Variants in TSPAN18 observed in about 807,000 individuals in gnomAD.
TSPAN18 encodes tetraspanin 18, also known as tetraspanin-18.
TSPAN18 carries 14 observed loss-of-function variants against 27.3 expected under a neutral mutation model. The observed-to-expected ratio is 0.51, with a 90% CI of 0.34 to 0.80. The LOEUF (loss-of-function observed/expected upper bound fraction) is 0.80, where lower values mean the gene tolerates loss of function less well. Ranked by LOEUF, TSPAN18 falls within the 30% of genes least tolerant of loss-of-function variation. The pLI, the probability that TSPAN18 is intolerant of heterozygous loss-of-function variation, is 0.01. For synonymous variants in TSPAN18, 143 were observed against 136.5 expected, an observed-to-expected ratio of 1.05 and a Z score of -0.33; for missense variants, 268 against 323.9, an observed-to-expected ratio of 0.83 and a Z score of 1.32.
At chr11:44,764,337 C>A (rs1164377381) in intron 1 of TSPAN18, 89 bp from the exon 2 acceptor site, 1 of 152,196 alleles carries the variant, frequency 6.6e-6, no homozygotes, top group Non-Finnish European at 1.5e-5. Context: ...GGAAAGGAGA[C>A]CTTGGGGAGT....
rs537831081 is a variant in TSPAN18 at position 44,884,824 on chromosome 11, G to A, written c.-10-21583G>A. On this transcript the variant is annotated intron_variant, in intron 3 of 9. Transcript: ENST00000520358. ...ACATGGGGCTTGAACCCAGCTTTCT[G>A]GATAGGCAGTTCTGTTCTCTCTCCA... Among the ~76,000 whole-genome samples the A allele has an allele frequency of 3.7e-3, 565 of 152,320 alleles. 2 individuals carry two copies. Among genetic ancestry groups the A allele is most frequent in the African/African-American group, 0.012 (498 of 41,566 alleles).
At chr11:44,895,631 T>C (rs1859015801) in intron 3 of TSPAN18, among the ~76,000 whole-genome samples, 1 of 152,044 alleles carries the variant, frequency 6.6e-6, no homozygotes, top group Admixed American at 6.6e-5. Context: ...GTGAGCCCAT[T>C]CCCAGCCAGG....
chr11:44,746,442 G>A (rs550231016), intron 1 of TSPAN18, among the ~76,000 whole-genome samples: 7 of 152,278 alleles, frequency 4.6e-5, no homozygotes, highest in South Asian at 2.1e-4. Context: ...GTAAAGCAAG[G>A]AGTGTAGTAC....
intron 2 of TSPAN18, among the ~76,000 whole-genome samples, chr11:44,855,649 A>T (rs573642070): frequency 9.9e-5 from 15 of 152,106 alleles, no homozygotes; most frequent in African/African-American, 3.6e-4. Flanking sequence ...TCAAGCTGAC[A>T]CCTCAAATTA....
In TSPAN18 at chr11:44,804,501, T is replaced by C. The variant is rs79700668; in HGVS notation, c.-153+39989T>C. Among the ~76,000 whole-genome samples, 1,094 of 152,112 alleles carry C rather than the reference T, an allele frequency of 7.2e-3. 14 individuals carry two copies. Among genetic ancestry groups the C allele is most frequent in the African/African-American group, 0.025 (1,019 of 41,490 alleles). On this transcript the variant is annotated intron_variant, in intron 2 of 9. Coordinates refer to ENST00000520358, the MANE Select transcript of TSPAN18 (RefSeq NM_130783.5). ...TGGCAATGGATGAGTTCAACAAATA[T>C]TTGTGGACTGAAGGAAGGAAAGGAG... is the stretch of plus-strand genomic sequence containing the variant.
At chr11:44,741,587 C>A (rs567204899) in intron 1 of TSPAN18, among the ~76,000 whole-genome samples, 1 of 151,984 alleles carries the variant, frequency 6.6e-6, no homozygotes, top group Non-Finnish European at 1.5e-5. Context: ...GTGAGACATA[C>A]GGGATTAACA....
At chr11:44,810,870 A>G (rs1856699055) in intron 2 of TSPAN18, among the ~76,000 whole-genome samples, 1 of 151,956 alleles carries the variant, frequency 6.6e-6, no homozygotes, top group Non-Finnish European at 1.5e-5. Flanking sequence ...TGGCCTCTCA[A>G]AGTGCTAGGA....
intron 2 of TSPAN18, among the ~76,000 whole-genome samples, chr11:44,776,956 G>A (rs896634085): frequency 6.6e-6 from 1 of 152,208 alleles, no homozygotes; most frequent in African/African-American, 2.4e-5. Context: ...GGCAGCCTGG[G>A]GAGGAGAAAG....
At chr11:44,771,407 C>G (rs896442908) in intron 2 of TSPAN18, among the ~76,000 whole-genome samples, 1 of 152,234 alleles carries the variant, frequency 6.6e-6, no homozygotes, top group African/African-American at 2.4e-5. Context: ...AAGCACAGAG[C>G]TATTTACCTG....
chr11:44,801,097 C>T (rs1231329520), intron 2 of TSPAN18, among the ~76,000 whole-genome samples: 4 of 152,188 alleles, frequency 2.6e-5, no homozygotes, highest in African/African-American at 9.7e-5. Context: ...TGCAGGTGCT[C>T]AAGGCCCTTA....
At chr11:44,862,247 G>T (rs1282510396) in intron 3 of TSPAN18, among the ~76,000 whole-genome samples, 7 of 152,216 alleles carry the variant, frequency 4.6e-5, no homozygotes, top group Non-Finnish European at 7.3e-5. Flanking sequence ...CCTCCGCCGC[G>T]GCAGCTCTGT....
intron 5 of TSPAN18, among the ~76,000 whole-genome samples, chr11:44,912,411 A>C (rs1590678873): frequency 1.3e-5 from 2 of 149,932 alleles, no homozygotes; most frequent in Non-Finnish European, 3.0e-5. Context: ...CTCTCTCTCC[A>C]CTTCCCCTGC....
intron 2 of TSPAN18, among the ~76,000 whole-genome samples, chr11:44,816,435 T>C (rs1442093245): frequency 6.6e-6 from 1 of 152,244 alleles, no homozygotes; most frequent in Non-Finnish European, 1.5e-5. Flanking sequence ...ATGTGTGCTC[T>C]GGCACAGATG....
chr11:44,755,777 G>A (rs745664795), intron 1 of TSPAN18, among the ~76,000 whole-genome samples: 63 of 152,318 alleles, frequency 4.1e-4, no homozygotes, highest in Non-Finnish European at 7.3e-4. Context: ...CTGAGGCTGA[G>A]CTGGCATCCA....
intron 3 of TSPAN18, among the ~76,000 whole-genome samples, chr11:44,879,740 G>A (rs940067298): frequency 3.9e-5 from 6 of 152,250 alleles, no homozygotes; most frequent in African/African-American, 1.2e-4. Flanking sequence ...GCAGGGGTAA[G>A]TAAATGACAG....
At chr11:44,865,773 A>G (rs894614170) in intron 3 of TSPAN18, among the ~76,000 whole-genome samples, 1 of 152,140 alleles carries the variant, frequency 6.6e-6, no homozygotes, top group Non-Finnish European at 1.5e-5. Flanking sequence ...ATCCAGGCTA[A>G]AAGTCCTGAG....
intron 2 of TSPAN18, among the ~76,000 whole-genome samples, chr11:44,848,791 G>A (rs1857537729): frequency 6.6e-6 from 1 of 152,230 alleles, no homozygotes; most frequent in Non-Finnish European, 1.5e-5. Flanking sequence ...GTGGCACAAG[G>A]TGACAAAGGA....
At chr11:44,881,102 C>T (rs146637807) in intron 3 of TSPAN18, among the ~76,000 whole-genome samples, 55 of 152,354 alleles carry the variant, frequency 3.6e-4, no homozygotes, top group African/African-American at 1.3e-3. Context: ...AGTGTGTGAC[C>T]TTGAACAAGT....
intron 3 of TSPAN18, among the ~76,000 whole-genome samples, chr11:44,888,547 G>T (rs1006246007): frequency 6.6e-6 from 1 of 152,174 alleles, no homozygotes; most frequent in African/African-American, 2.4e-5. Flanking sequence ...GGTAGAGAAG[G>T]TTCAACAGCA....
Sources: allele counts gnomAD v4.1 joint callset (sites outside exome capture counted in the v4.1 genomes callset), GRCh38; gene constraint gnomAD v4.1.1; transcripts MANE v1.5; gene names NCBI Gene and HGNC (gene_info 2026-07-23, HGNC 2026-07-21).